RAD23B: variants seen among roughly 807,000 people sequenced by gnomAD.
RAD23B encodes lysine-specific demethylase RAD23B.
In RAD23B, 5 loss-of-function variants were observed where a neutral mutation model predicts 49.1. The observed-to-expected ratio is 0.10, with a 90% CI of 0.05 to 0.21. The LOEUF (loss-of-function observed/expected upper bound fraction) is 0.21, where lower values mean the gene tolerates loss of function less well. Ranked by LOEUF, RAD23B falls within the 10% of genes least tolerant of loss-of-function variation. RAD23B has a pLI of 1.00. For missense variants in RAD23B, 356 were observed against 486.7 expected, an observed-to-expected ratio of 0.73 and a Z score of 2.53; for synonymous variants, 184 against 165.4, an observed-to-expected ratio of 1.11 and a Z score of -0.86.
At chr9:107,292,151 A>G (rs1009047676) in intron 1 of RAD23B, among the ~76,000 whole-genome samples, 1 of 150,840 alleles carries the variant, frequency 6.6e-6, no homozygotes, top group African/African-American at 2.4e-5. Flanking sequence ...TTCCTCAAAC[A>G]TAGTTATAAA....
chr9:107,328,576 C>T (rs1388297288), intron 9 of RAD23B, among the ~76,000 whole-genome samples: 1 of 152,138 alleles, frequency 6.6e-6, no homozygotes, highest in South Asian at 2.1e-4. Context: ...CAACAGGAGA[C>T]GGAGCTCAGG....
Position 107,331,523 on chromosome 9 carries a change from A to G in RAD23B, c.*1867A>G, listed in dbSNP as rs149796946. ...TTACCTGTATGTTTTATAATGGATC[A>G]TGCATAATTTCTCAGGAGAATAAAA... On this transcript the variant is annotated 3_prime_UTR_variant, in exon 10 of 10. Transcript: ENST00000358015. The G allele has an allele frequency of 6.1e-4, 373 of 607,054 alleles. 1 individual carries two copies. The highest frequency in any genetic ancestry group is 5.2e-3 in the African/African-American group (281 of 54,112). 37.6% of individuals were successfully genotyped at this position (607,054 alleles called of 1,614,324 possible).
rs763010277 is a variant in RAD23B, at chr9:107,306,488, C to T, written c.338C>T (p.Pro113Leu). 2.5e-6 allele frequency: 4 copies of T among 1,614,226 alleles called. No individual in the cohort carries two copies. The highest frequency in any genetic ancestry group is 3.4e-6 in the Non-Finnish European group (4 of 1,180,040). ...TTTTVAQAPT[P>L]VPALAPTSTP... The stretch of plus-strand genomic sequence containing the variant: ...ACAACTGTGGCTCAGGCTCCAACCC[C>T]TGTCCCTGCCTTGGCCCCCACTTCC... The change falls in exon 4 of 10, where the codon CCT becomes CTT. Residue 113 changes from proline (P) to leucine (L), a missense_variant. This residue lies in a region of RAD23B where 137 missense variants were observed against 122.0 expected (regional missense o/e 1.12). Coordinates refer to ENST00000358015, the MANE Select transcript of RAD23B (RefSeq NM_002874.5).
At chr9:107,289,677 G>A (rs1833344863) in intron 1 of RAD23B, among the ~76,000 whole-genome samples, 1 of 152,194 alleles carries the variant, frequency 6.6e-6, no homozygotes, top group African/African-American at 2.4e-5. Flanking sequence ...ACAGTTGGCT[G>A]TACCACTTGC....
chr9:107,293,765 C>A (rs1261943167), intron 1 of RAD23B, among the ~76,000 whole-genome samples: 1 of 152,128 alleles, frequency 6.6e-6, no homozygotes, highest in Non-Finnish European at 1.5e-5. Context: ...CATGCATGAC[C>A]TAAATTTGTC....
intron 5 of RAD23B, among the ~76,000 whole-genome samples, chr9:107,312,999 A>G (rs1826920280): frequency 6.6e-6 from 1 of 151,454 alleles, no homozygotes; most frequent in South Asian, 2.1e-4. Context: ...ATCCCTCTAC[A>G]TTTTCATCTT....
intron 1 of RAD23B, among the ~76,000 whole-genome samples, chr9:107,285,081 G>T (rs1030496534): frequency 6.6e-6 from 1 of 152,070 alleles, no homozygotes; most frequent in Non-Finnish European, 1.5e-5. Context: ...AAAATTATTT[G>T]ATTTCAGAAT....
chr9:107,303,504 A>G (rs892235179), intron 3 of RAD23B, among the ~76,000 whole-genome samples: 1 of 152,226 alleles, frequency 6.6e-6, no homozygotes, highest in Non-Finnish European at 1.5e-5. Flanking sequence ...TGTATCATCT[A>G]GGTTTTTTTA....
intron 9 of RAD23B, among the ~76,000 whole-genome samples, chr9:107,327,481 A>G (rs184527409): frequency 1.3e-3 from 200 of 152,190 alleles, no homozygotes; most frequent in Non-Finnish European, 2.5e-3. Context: ...GCTTTCTTTC[A>G]TCTCAAAATG....
intron 6 of RAD23B, among the ~76,000 whole-genome samples, chr9:107,319,121 CTTTTTTCTTTTTTT>C: frequency 1.1e-5 from 1 of 91,548 alleles, no homozygotes; most frequent in African/African-American, 5.1e-5. Flanking sequence ...ACAAAAATTT[CTTTTTTCTTTTTTT>C]TTTTTTTTTT....
intron 1 of RAD23B, among the ~76,000 whole-genome samples, chr9:107,297,741 A>G (rs931260070): frequency 2.1e-5 from 3 of 145,034 alleles, no homozygotes; most frequent in Non-Finnish European, 3.0e-5. Flanking sequence ...TTCTTAATTT[A>G]TGGGGCTTTT....
chr9:107,300,300 A>G, intron 2 of RAD23B, 78 bp downstream of exon 2: 4 of 1,416,230 alleles, frequency 2.8e-6, no homozygotes, highest in Non-Finnish European at 3.7e-6. Flanking sequence ...TATATATTGT[A>G]GTATATTCAA....
Position 107,319,194 on chromosome 9 carries a change from G to A in RAD23B, c.681+315G>A, listed in dbSNP as rs192113902. On this transcript the variant is annotated intron_variant, in intron 6 of 9. Coordinates refer to ENST00000358015, the MANE Select transcript of RAD23B (RefSeq NM_002874.5). ...CGCCCAGACTGGAGTGCAGTGGCAT[G>A]ATCTCTGCTCACCACAAGCTCCACC... 4.4e-5 allele frequency among the ~76,000 whole-genome samples: 6 copies of A among 135,462 alleles called. No homozygotes were observed. The Admixed American group carries it at 5.0e-4, about 11-fold the overall frequency. The allele number at this position is 135,462 out of a possible 152,430, so 88.9% of individuals were successfully genotyped here.
At chr9:107,326,765 C>T (rs540004375) in intron 9 of RAD23B, among the ~76,000 whole-genome samples, 1 of 150,076 alleles carries the variant, frequency 6.7e-6, no homozygotes, top group African/African-American at 2.4e-5. Flanking sequence ...TCCCGAGTAG[C>T]TGGGACCACA....
Position 107,283,339 on chromosome 9 carries a change from C to G in RAD23B, c.-291C>G, listed in dbSNP as rs1833194455. The G allele has an allele frequency of 2.4e-6, 1 of 418,372 alleles. No homozygotes were observed. The highest frequency in any genetic ancestry group is 8.9e-5 in the South Asian group (1 of 11,244). The allele number at this position is 418,372 out of a possible 1,614,324, so 25.9% of individuals were successfully genotyped here. On this transcript the variant is annotated 5_prime_UTR_variant, in exon 1 of 10. Coordinates refer to ENST00000358015, the MANE Select transcript of RAD23B (RefSeq NM_002874.5). ...GCTAGCGGATTCCCTGCTTGTCTCG[C>G]CGACCCCCTCGCGCCTTCTGCAGAC...
At chr9:107,306,051 CTA>C (rs770269253) in intron 3 of RAD23B, among the ~76,000 whole-genome samples, 786 of 49,764 alleles carry the variant, frequency 0.016, 14 homozygotes, top group Middle Eastern at 0.1. Flanking sequence ...CGGTTTATAT[CTA>C]TATATATATA....
rs950956301 is a variant in RAD23B, at chr9:107,306,481, C to T, written c.331C>T (p.Pro111Ser). 1.2e-6 allele frequency: 2 copies of T among 1,614,068 alleles called. No homozygotes were observed. The highest frequency in any genetic ancestry group is 1.7e-6 in the Non-Finnish European group (2 of 1,180,046). ...SSTTTTVAQA[P>S]TPVPALAPTS... ...CACCACCACAACTGTGGCTCAGGCT[C>T]CAACCCCTGTCCCTGCCTTGGCCCC... Residue 111 changes from proline (P) to serine (S), a missense_variant, in exon 4 of 10, where the codon CCA becomes TCA. Around this residue, in one of 5 missense-constraint regions of RAD23B, gnomAD observed 137 missense variants for 122.0 expected, o/e 1.12. Coordinates refer to ENST00000358015, the MANE Select transcript of RAD23B (RefSeq NM_002874.5).
intron 3 of RAD23B, among the ~76,000 whole-genome samples, chr9:107,304,787 G>A (rs1437775237): frequency 6.6e-6 from 1 of 152,134 alleles, no homozygotes; most frequent in Non-Finnish European, 1.5e-5. Context: ...CACATGTACA[G>A]TTGACCCTTG....
chr9:107,323,786 A>G (rs567302666), intron 7 of RAD23B, 104 bp from the exon 8 acceptor site: 6 of 1,101,288 alleles, frequency 5.4e-6, no homozygotes, highest in African/African-American at 3.1e-5. Context: ...TGAGAACTCA[A>G]ATCATTTTTT....
Sources: gnomAD v4.1 joint callset for allele counts (sites outside exome capture counted in the v4.1 genomes callset) on GRCh38, gnomAD v4.1.1 for gene constraint, gnomAD v4.1.1 regional missense constraint, MANE v1.5 for transcripts, NCBI Gene and HGNC (gene_info 2026-07-23, HGNC 2026-07-21) for gene names.